Variants in MAP3K4 observed in about 807,000 individuals in gnomAD.
The protein encoded by MAP3K4 is mitogen-activated protein kinase kinase kinase 4, also known as MAP three kinase 1.
Under a neutral mutation model 185.6 loss-of-function variants are expected in MAP3K4, and 67 were observed. That is an observed-to-expected ratio of 0.36 (90% confidence interval 0.30 to 0.44). The LOEUF (loss-of-function observed/expected upper bound fraction) is 0.44, where lower values mean the gene tolerates loss of function less well. MAP3K4 is among the 20% of genes least tolerant of loss of function. The pLI is 1.00. For missense variants in MAP3K4, 1,551 were observed against 1,995.1 expected, an observed-to-expected ratio of 0.78 and a Z score of 4.24; for synonymous variants, 702 against 710.4, an observed-to-expected ratio of 0.99 and a Z score of 0.19.
rs9355867 is a variant in MAP3K4 at position 161,037,723 on chromosome 6, G to C, written c.343+3274G>C. Among the ~76,000 whole-genome samples the C allele has an allele frequency of 0.84, 127,388 of 152,170 alleles. 53,501 individuals are homozygous for C. The highest frequency in any genetic ancestry group is 0.99 in the East Asian group (5,142 of 5,180). On this transcript the variant is annotated intron_variant, in intron 2 of 26. Coordinates refer to ENST00000392142, the MANE Select transcript of MAP3K4 (RefSeq NM_005922.4). This position sits in a 1 kb window ranked among gnomAD's most constrained non-coding sequence, Gnocchi z 4.2. ...ACGAGCAACCATGACCGGTTGTAAA[G>C]TCAGGATTTCTTCCCAACACTTACT...
chr6:161,098,128 C>A lies in MAP3K4; in HGVS notation c.3525-150C>A. ...TTGAAGTTAGGTTTTTTCTTTTTTA[C>A]ACCTAGACTCAAATCTCAAAGAACA... On this transcript the variant is annotated intron_variant, in intron 16 of 26. Coordinates refer to ENST00000392142, the MANE Select transcript of MAP3K4 (RefSeq NM_005922.4). The surrounding 1 kb of genome is among the most constrained non-coding windows in gnomAD (Gnocchi z 4.4). 1.1e-6 allele frequency: 1 copy of A among 935,640 alleles called. No homozygotes were observed. The highest frequency in any genetic ancestry group is 2.4e-5 in the Admixed American group (1 of 41,784). The allele number at this position is 935,640 out of a possible 1,614,324, so 58.0% of individuals were successfully genotyped here.
In MAP3K4 at chr6:161,034,762, T is replaced by TCAGTC. The variant is rs1471291974; in HGVS notation, c.343+313_343+314insCAGTC. 6.6e-6 allele frequency among the ~76,000 whole-genome samples: 1 copy of TCAGTC among 152,186 alleles called. No homozygotes were observed. Among genetic ancestry groups the TCAGTC allele is most frequent in the Non-Finnish European group, 1.5e-5 (1 of 68,038 alleles). ...GTTACATGGGATAGATGGCCTTCTA[T>TCAGTC]TCTTTCAGTCTCTTAGGCTGAAGTT... On this transcript the variant is annotated intron_variant, in intron 2 of 26. Transcript: ENST00000392142. This position sits in a 1 kb window ranked among gnomAD's most constrained non-coding sequence, Gnocchi z 4.4.
In MAP3K4 at chr6:161,084,510, A is replaced by G; in HGVS notation, c.2265A>G (p.Ala755=). Residue 755 remains alanine, a synonymous_variant, in exon 7 of 27, where the codon GCA becomes GCG. Transcript: ENST00000392142. This position sits in a 1 kb window ranked among gnomAD's most constrained non-coding sequence, Gnocchi z 4.6. Reference sequence around the variant, plus strand: ...ATTTTTGTTCCCTTAGTGACATTGCAGGAATGCTGCTGAAATCTACAGGAA... The same window carrying G: ...ATTTTTGTTCCCTTAGTGACATTGCGGGAATGCTGCTGAAATCTACAGGAA... ...AQAGKLFCDI[A]GMLLKSTGSF... 1.3e-6 allele frequency: 2 copies of G among 1,525,198 alleles called. No homozygotes were observed. Among genetic ancestry groups the G allele is most frequent in the Non-Finnish European group, 1.8e-6 (2 of 1,098,874 alleles). The allele number at this position is 1,525,198 out of a possible 1,614,324, so 94.5% of individuals were successfully genotyped here.
At chr6:161,031,276 TTTTA>T (rs1782917736) in intron 1 of MAP3K4, among the ~76,000 whole-genome samples, 1 of 152,246 alleles carries the variant, frequency 6.6e-6, no homozygotes, top group Non-Finnish European at 1.5e-5. Flanking sequence ...ATTCTTGTAC[TTTTA>T]TTTGACAGTA....
At chr6:161,090,926 C>T (rs1035674360) in intron 11 of MAP3K4, among the ~76,000 whole-genome samples, 6 of 152,178 alleles carry the variant, frequency 3.9e-5, no homozygotes, top group African/African-American at 9.7e-5. Flanking sequence ...CGTCTCCAGA[C>T]GCTGAGGGGA....
chr6:161,039,699 G>A (rs1783355457), intron 2 of MAP3K4, among the ~76,000 whole-genome samples: 1 of 152,124 alleles, frequency 6.6e-6, no homozygotes, highest in Non-Finnish European at 1.5e-5. Flanking sequence ...TAAGAAGAAT[G>A]CCTGTAAATA....
At position 161,112,029 on chromosome 6, in the gene MAP3K4, C is replaced by T. The variant is rs1400338899; in HGVS notation, c.4519+71C>T. Reference sequence around the variant, plus strand: ...CTGCTTGGGGCCTGCATGTTCCCTTCACCTTTGTTTGTCAGTAGAGATGGG... The same window carrying T: ...CTGCTTGGGGCCTGCATGTTCCCTTTACCTTTGTTTGTCAGTAGAGATGGG... On this transcript the variant is annotated intron_variant, in intron 24 of 26. Transcript: ENST00000392142. This position sits in a 1 kb window ranked among gnomAD's most constrained non-coding sequence, Gnocchi z 5.1. 8 of 1,575,754 alleles carry T rather than the reference C, an allele frequency of 5.1e-6. No individual in the cohort carries two copies. The highest frequency in any genetic ancestry group is 1.4e-5 in the African/African-American group (1 of 73,864).
intron 17 of MAP3K4, among the ~76,000 whole-genome samples, chr6:161,099,597 C>A (rs1777737851): frequency 6.6e-6 from 1 of 152,180 alleles, no homozygotes; most frequent in Non-Finnish European, 1.5e-5. Flanking sequence ...AAACTGTCTT[C>A]TTTATTCATA....
rs1392002731 is a variant in MAP3K4, at chr6:161,097,993, A to G, written c.3525-285A>G. 6.6e-6 allele frequency among the ~76,000 whole-genome samples: 1 copy of G among 151,890 alleles called. No homozygotes were observed. The highest frequency in any genetic ancestry group is 1.5e-5 in the Non-Finnish European group (1 of 67,952). Reference sequence around the variant, plus strand: ...CCCAGCTACTCAGGAGGCTGAGGCAAGGAGGATCACTTGAGCCCAGGAGGT... The same window carrying G: ...CCCAGCTACTCAGGAGGCTGAGGCAGGGAGGATCACTTGAGCCCAGGAGGT... On this transcript the variant is annotated intron_variant, in intron 16 of 26. Coordinates refer to ENST00000392142, the MANE Select transcript of MAP3K4 (RefSeq NM_005922.4). This position sits in a 1 kb window ranked among gnomAD's most constrained non-coding sequence, Gnocchi z 4.9.
At chr6:161,062,845 G>A (rs1427333409) in intron 3 of MAP3K4, among the ~76,000 whole-genome samples, 1 of 152,068 alleles carries the variant, frequency 6.6e-6, no homozygotes, top group South Asian at 2.1e-4. Flanking sequence ...GATACATGGT[G>A]TACACTTTGA....
Position 161,100,141 on chromosome 6 carries a change from C to A in MAP3K4, c.3674+1714C>A, listed in dbSNP as rs1394405749. 5.3e-5 allele frequency among the ~76,000 whole-genome samples: 8 copies of A among 152,198 alleles called. No homozygotes were observed. The highest frequency in any genetic ancestry group is 1.9e-4 in the African/African-American group (8 of 41,440). ...TACCAGACTCCCTCCTGCATTCAAG[C>A]CCTGCGTAAGCCTCAGTGCCTTCAC... On this transcript the variant is annotated intron_variant, in intron 17 of 26. Transcript: ENST00000392142. The surrounding 1 kb of genome is among the most constrained non-coding windows in gnomAD (Gnocchi z 5.8).
chr6:161,069,762 T>C (rs910132980), intron 3 of MAP3K4, among the ~76,000 whole-genome samples: 1 of 152,022 alleles, frequency 6.6e-6, no homozygotes, highest in African/African-American at 2.4e-5. Flanking sequence ...AATACTCTGA[T>C]GGCAGGGAGT....
chr6:161,085,738 A>C (rs1346971243), intron 7 of MAP3K4, among the ~76,000 whole-genome samples: 1 of 152,336 alleles, frequency 6.6e-6, no homozygotes, highest in South Asian at 2.1e-4. Flanking sequence ...GGTGGGTTCA[A>C]AATAACCCCA....
chr6:161,006,779 G>T (rs1781603000), intron 1 of MAP3K4, among the ~76,000 whole-genome samples: 1 of 151,834 alleles, frequency 6.6e-6, no homozygotes, highest in South Asian at 2.1e-4. Context: ...CAAAGAGAAA[G>T]CCTATATATT....
At chr6:161,026,371 G>A (rs960207792) in intron 1 of MAP3K4, among the ~76,000 whole-genome samples, 10 of 151,814 alleles carry the variant, frequency 6.6e-5, no homozygotes, top group African/African-American at 4.8e-5. Flanking sequence ...TTCTGACCTC[G>A]TGATCTGCCC....
At position 161,084,474 on chromosome 6, in the gene MAP3K4, GTTTTAT is replaced by G. The variant is rs939097251; in HGVS notation, c.2256-16_2256-11del. The G allele has an allele frequency of 2.7e-6, 3 of 1,103,364 alleles. No individual in the cohort carries two copies. The highest frequency in any genetic ancestry group is 3.1e-5 in the African/African-American group (2 of 65,360). 68.3% of individuals were successfully genotyped at this position (1,103,364 alleles called of 1,614,324 possible). A position where few individuals can be genotyped will look rare whatever the true frequency, so the allele number is the denominator to read the frequency against. On this transcript the variant is annotated intron_variant, in intron 6 of 26. Transcript: ENST00000392142. This position sits in a 1 kb window ranked among gnomAD's most constrained non-coding sequence, Gnocchi z 4.6. ...ATGAGTAGGGACAGTTTTCTTCTCT[GTTTTAT>G]TTTTATTTTTGTTCCCTTAGTGACA... is the stretch of plus-strand genomic sequence containing the variant.
In MAP3K4 at chr6:161,082,150, C is replaced by T. The variant is rs566321458; in HGVS notation, c.2255+1112C>T. Among the ~76,000 whole-genome samples, 8 of 152,088 alleles carry T rather than the reference C, an allele frequency of 5.3e-5. No homozygotes were observed. Among genetic ancestry groups the T allele is most frequent in the Non-Finnish European group, 7.4e-5 (5 of 68,016 alleles). On this transcript the variant is annotated intron_variant, in intron 6 of 26. Transcript: ENST00000392142. The surrounding 1 kb of genome is among the most constrained non-coding windows in gnomAD (Gnocchi z 4.2). ...GTGAACTTGCTCTCCTCTCATAACT[C>T]CATCCGTCAGGCTGTGATCCCCAGG...
At position 161,034,429 on chromosome 6, in the gene MAP3K4, C is replaced by T. The variant is rs1783068561; in HGVS notation, c.323C>T (p.Ala108Val). 1 of 1,613,700 alleles carries T rather than the reference C, an allele frequency of 6.2e-7. No individual in the cohort carries two copies. The change falls in exon 2 of 27, where the codon GCC (alanine) becomes GTC (valine). Residue 108 changes from alanine (A) to valine (V), a missense_variant. Around this residue, in one of 16 missense-constraint regions of MAP3K4, gnomAD observed 287 missense variants for 268.8 expected, o/e 1.07. Coordinates refer to ENST00000392142, the MANE Select transcript of MAP3K4 (RefSeq NM_005922.4). This position sits in a 1 kb window ranked among gnomAD's most constrained non-coding sequence, Gnocchi z 4.4. Reference sequence around the variant, plus strand: ...CAGAGGAATAATGTGGGGAGGCCAGCCAGTCGGTCTAATTTGAAAGGTGAG... The same window carrying T: ...CAGAGGAATAATGTGGGGAGGCCAGTCAGTCGGTCTAATTTGAAAGGTGAG... ...KHQRNNVGRP[A>V]SRSNLKEKMN... is the part of the protein sequence containing the mutation.
rs1781013543 is a variant in MAP3K4 at position 160,996,723 on chromosome 6, CCAGA to C, written c.152+4643_152+4646del. ...ACTCCCTTGGCACGATAATCAAGGC[CCAGA>C]CACTCACTGTGCTTGGCTTCTCAGG... On this transcript the variant is annotated intron_variant, in intron 1 of 26. Coordinates refer to ENST00000392142, the MANE Select transcript of MAP3K4 (RefSeq NM_005922.4). This position sits in a 1 kb window ranked among gnomAD's most constrained non-coding sequence, Gnocchi z 4.5. 6.6e-6 allele frequency among the ~76,000 whole-genome samples: 1 copy of C among 151,338 alleles called. No homozygotes were observed. Among genetic ancestry groups the C allele is most frequent in the South Asian group, 2.1e-4 (1 of 4,826 alleles).
Sources: allele counts gnomAD v4.1 joint callset (sites outside exome capture counted in the v4.1 genomes callset), GRCh38; gene constraint gnomAD v4.1.1; regional missense constraint gnomAD v4.1.1; non-coding constraint Gnocchi (gnomAD v3.1); transcripts MANE v1.5; gene names NCBI Gene and HGNC (gene_info 2026-07-23, HGNC 2026-07-21).